Variants in DYNC2H1 observed in about 807,000 individuals in gnomAD.
DYNC2H1 encodes dynein cytoplasmic 2 heavy chain 1.
Under a neutral mutation model 570.0 loss-of-function variants are expected in DYNC2H1, and 410 were observed. The observed-to-expected ratio is 0.72, with a 90% confidence interval of 0.66 to 0.78. The LOEUF (loss-of-function observed/expected upper bound fraction) is 0.78, where lower values mean the gene tolerates loss of function less well. DYNC2H1 is among the 30% of genes least tolerant of loss of function. The probability of loss-of-function intolerance (pLI) is 0.00; values close to 1 mark genes in which losing one functional copy is unlikely to be tolerated. For synonymous variants in DYNC2H1, 1,688 were observed against 1,677.6 expected (o/e 1.01, Z -0.15); for missense variants, 4,865 against 5,046.4 (o/e 0.96, Z 1.09).
intron 59 of DYNC2H1, among the ~76,000 whole-genome samples, chr11:103,227,431 T>C (rs1403389227): frequency 1.3e-5 from 2 of 152,222 alleles, no homozygotes; most frequent in African/African-American, 4.8e-5. Context: ...TTTGATTTCA[T>C]TGTTGACCCA....
In DYNC2H1 at chr11:103,193,450, C is replaced by G. The variant is rs550339841; in HGVS notation, c.7708+1186C>G. 4.6e-5 allele frequency among the ~76,000 whole-genome samples: 7 copies of G among 152,258 alleles called. No individual in the cohort carries two copies. The South Asian group carries it at 1.5e-3, about 32-fold the overall frequency. Reference sequence around the variant, plus strand: ...CCTCTGAAGAGTTTGGTATCTTTCACAGTCTCCTGTCTAAGACTCAATAAA... The same window carrying G: ...CCTCTGAAGAGTTTGGTATCTTTCAGAGTCTCCTGTCTAAGACTCAATAAA... On this transcript the variant is annotated intron_variant, in intron 47 of 88. Transcript: ENST00000375735.
intron 63 of DYNC2H1, among the ~76,000 whole-genome samples, chr11:103,238,151 A>G (rs1021925465): frequency 6.6e-6 from 1 of 152,192 alleles, no homozygotes; most frequent in South Asian, 2.1e-4. Flanking sequence ...ACATCAACTC[A>G]TTAACATCAC....
chr11:103,118,546 C>A (rs1018954091), intron 6 of DYNC2H1, among the ~76,000 whole-genome samples: 1 of 151,796 alleles, frequency 6.6e-6, no homozygotes, highest in South Asian at 2.1e-4. Context: ...ATTTATAAAG[C>A]AGAGATATTG....
chr11:103,422,834 C>A (rs1943533932), intron 84 of DYNC2H1, among the ~76,000 whole-genome samples: 1 of 152,022 alleles, frequency 6.6e-6, no homozygotes, highest in Non-Finnish European at 1.5e-5. Flanking sequence ...AAGTTCTAGC[C>A]AGGGCAATTG....
chr11:103,231,417 T>A lies in DYNC2H1; in HGVS notation c.9440+71T>A. On this transcript the variant is annotated intron_variant, in intron 60 of 88. Coordinates refer to ENST00000375735, the MANE Select transcript of DYNC2H1 (RefSeq NM_001377.3). ...TACATTTGACATCTTGATTTCTTTCTTGTTTTGACTTTTAAGATTTAGACT... is the reference window on the plus strand; with the variant it reads ...TACATTTGACATCTTGATTTCTTTCATGTTTTGACTTTTAAGATTTAGACT... 5 of 1,022,256 alleles carry A rather than the reference T, an allele frequency of 4.9e-6. No individual in the cohort carries two copies. The South Asian group carries it at 7.3e-5, about 15-fold the overall frequency. 63.3% of individuals were successfully genotyped at this position (1,022,256 alleles called of 1,614,324 possible).
intron 82 of DYNC2H1, among the ~76,000 whole-genome samples, chr11:103,348,995 C>T (rs1939905470): frequency 6.6e-6 from 1 of 152,192 alleles, no homozygotes; most frequent in South Asian, 2.1e-4. Flanking sequence ...TTGTAAGTTT[C>T]CTGAGGCCTC....
intron 83 of DYNC2H1, among the ~76,000 whole-genome samples, chr11:103,379,737 A>G (rs1015418157): frequency 2.6e-5 from 4 of 152,194 alleles, no homozygotes; most frequent in African/African-American, 9.6e-5. Context: ...AGATTCTGTG[A>G]GGACTTTCTA....
chr11:103,384,909 T>TA (rs1941812036), intron 83 of DYNC2H1, among the ~76,000 whole-genome samples: 2 of 152,164 alleles, frequency 1.3e-5, no homozygotes, highest in Non-Finnish European at 2.9e-5. Context: ...CTTGAGTTTT[T>TA]ATCTGAAAAT....
chr11:103,429,477 T>C (rs1295183337), intron 84 of DYNC2H1, among the ~76,000 whole-genome samples: 1 of 152,032 alleles, frequency 6.6e-6, no homozygotes, highest in Admixed American at 6.6e-5. Flanking sequence ...AAAAATTGAA[T>C]GCTACAGAAA....
chr11:103,140,408 TG>T (rs1219860116), intron 17 of DYNC2H1, among the ~76,000 whole-genome samples: 1 of 152,072 alleles, frequency 6.6e-6, no homozygotes, highest in African/African-American at 2.4e-5. Context: ...GCAGGCCTGG[TG>T]GTGACAAAAT....
chr11:103,458,298 A>G lies in DYNC2H1; in HGVS notation c.12648+1942A>G, dbSNP rs147842487. Among the ~76,000 whole-genome samples, 505 of 152,268 alleles carry G rather than the reference A, an allele frequency of 3.3e-3. 3 individuals carry two copies. Among genetic ancestry groups the G allele is most frequent in the African/African-American group, 0.012 (483 of 41,550 alleles). On this transcript the variant is annotated intron_variant, in intron 87 of 88. Coordinates refer to ENST00000375735, the MANE Select transcript of DYNC2H1 (RefSeq NM_001377.3). ...ATGCTGTACAGATTTGTTTCCTAGG[A>G]GCAATAGGCTATAGCATCTAGCCTA...
chr11:103,129,108 A>G lies in DYNC2H1; in HGVS notation c.1953+103A>G. The G allele has an allele frequency of 2.0e-6, 2 of 1,013,776 alleles. No individual in the cohort carries two copies. The highest frequency in any genetic ancestry group is 1.9e-5 in the South Asian group (1 of 52,374). The allele number at this position is 1,013,776 out of a possible 1,614,324, so 62.8% of individuals were successfully genotyped here. A position where few individuals can be genotyped will look rare whatever the true frequency, so the allele number is the denominator to read the frequency against. ...CAGCTTAATATATCAAATGATCTAGATTTTGTTTTGCTTCCAGGGACTTCC... is the reference window on the plus strand; with the variant it reads ...CAGCTTAATATATCAAATGATCTAGGTTTTGTTTTGCTTCCAGGGACTTCC... On this transcript the variant is annotated intron_variant, in intron 13 of 88. Transcript: ENST00000375735. The surrounding 1 kb of genome is among the most constrained non-coding windows in gnomAD (Gnocchi z 4.1).
intron 70 of DYNC2H1, among the ~76,000 whole-genome samples, chr11:103,270,192 CAA>C (rs60584003): frequency 0.072 from 9,046 of 125,176 alleles, 356 homozygotes; most frequent in Non-Finnish European, 0.095. Context: ...GATTCCATCT[CAA>C]AAAAAAAAAA....
intron 63 of DYNC2H1, among the ~76,000 whole-genome samples, chr11:103,237,398 A>G (rs1490464083): frequency 6.6e-6 from 1 of 152,024 alleles, no homozygotes; most frequent in Non-Finnish European, 1.5e-5. Flanking sequence ...GCTGTTCATT[A>G]CTTGATAATT....
intron 75 of DYNC2H1, among the ~76,000 whole-genome samples, chr11:103,295,138 G>C (rs1182996911): frequency 6.6e-6 from 1 of 152,118 alleles, no homozygotes; most frequent in Non-Finnish European, 1.5e-5. Flanking sequence ...TGTCCTGACT[G>C]CCACTCAGAT....
Position 103,455,242 on chromosome 11 carries a change from A to T in DYNC2H1, c.12513A>T (p.Ser4171=). 6.2e-7 allele frequency: 1 copy of T among 1,613,544 alleles called. No homozygotes were observed. The highest frequency in any genetic ancestry group is 8.5e-7 in the Non-Finnish European group (1 of 1,179,586). The stretch of plus-strand genomic sequence containing the variant: ...TTCTCTCTGAAACACTTGACCTATC[A>T]GAACTTTTCCATCCAGACACATTTC... ...QALLSETLDL[S]ELFHPDTFLN... Residue 4171 remains serine (S), a synonymous_variant, in exon 86 of 89, where the codon TCA becomes TCT. Transcript: ENST00000375735.
At chr11:103,143,247 A>AT (rs1182772099) in intron 17 of DYNC2H1, 21 bp from the exon 18 acceptor site, 1 of 1,608,820 alleles carries the variant, frequency 6.2e-7, no homozygotes, top group Non-Finnish European at 8.5e-7. Context: ...TTAATAATAC[A>AT]TTTTTTCTTT....
chr11:103,176,734 C>G (rs977720600), intron 37 of DYNC2H1, among the ~76,000 whole-genome samples: 6 of 152,102 alleles, frequency 3.9e-5, no homozygotes, highest in South Asian at 2.1e-4. Context: ...GAGACAGAGT[C>G]TTGCTTTGTC....
intron 47 of DYNC2H1, among the ~76,000 whole-genome samples, chr11:103,194,920 G>A (rs1412878286): frequency 2.0e-5 from 3 of 151,906 alleles, no homozygotes; most frequent in Non-Finnish European, 4.4e-5. Context: ...GTTTCATCAT[G>A]TTGGGTAGGC....
Sources: gnomAD v4.1 joint callset for allele counts (sites outside exome capture counted in the v4.1 genomes callset) on GRCh38, gnomAD v4.1.1 for gene constraint, Gnocchi (gnomAD v3.1) non-coding constraint, MANE v1.5 for transcripts, NCBI Gene and HGNC (gene_info 2026-07-23, HGNC 2026-07-21) for gene names.